Variants in UNC5C observed in about 807,000 individuals in gnomAD.
UNC5C encodes the protein netrin receptor UNC5C.
UNC5C carries 47 observed loss-of-function variants against 99.8 expected under a neutral mutation model. The observed-to-expected ratio is 0.47, with a 90% CI of 0.37 to 0.60. The LOEUF (loss-of-function observed/expected upper bound fraction) is 0.60, where lower values mean the gene tolerates loss of function less well. Ranked by LOEUF, UNC5C falls within the 20% of genes least tolerant of loss-of-function variation. The pLI is 0.00. For missense variants in UNC5C, 1,062 were observed against 1,165.9 expected (o/e 0.91, Z 1.30); for synonymous variants, 487 against 452.2 (o/e 1.08, Z -0.98).
chr4:95,271,689 C>T (rs1740673765), intron 4 of UNC5C, among the ~76,000 whole-genome samples: 1 of 152,142 alleles, frequency 6.6e-6, no homozygotes, highest in South Asian at 2.1e-4. Context: ...TCCCTAAATC[C>T]ATTCTTGCAC....
intron 1 of UNC5C, among the ~76,000 whole-genome samples, chr4:95,423,478 A>G (rs972407733): frequency 4.6e-5 from 7 of 152,230 alleles, no homozygotes; most frequent in African/African-American, 1.7e-4. Flanking sequence ...GAGGGATTCT[A>G]TCCATGGATC....
At chr4:95,234,572 CAATT>C (rs1056840964) in intron 7 of UNC5C, among the ~76,000 whole-genome samples, 6 of 152,086 alleles carry the variant, frequency 3.9e-5, no homozygotes, top group Non-Finnish European at 7.4e-5. Flanking sequence ...GTTTTGAAAA[CAATT>C]AAGTATGTGC....
At position 95,302,938 on chromosome 4, in the gene UNC5C, G is replaced by A. The variant is rs573507061; in HGVS notation, c.347-1189C>T. Among the ~76,000 whole-genome samples, 65 of 152,164 alleles carry A rather than the reference G, an allele frequency of 4.3e-4. 1 individual carries two copies. The highest frequency in any genetic ancestry group is 1.5e-3 in the African/African-American group (64 of 41,520). ...CAATTGCATTCAATGCTGCAAAGGTGGGCATAGGAATGAGTGTGAGTAATC... is the reference window on the plus strand; with the variant it reads ...CAATTGCATTCAATGCTGCAAAGGTAGGCATAGGAATGAGTGTGAGTAATC... On this transcript the variant is annotated intron_variant, in intron 2 of 15. Coordinates refer to ENST00000453304, the MANE Select transcript of UNC5C (RefSeq NM_003728.4).
At chr4:95,228,769 G>A (rs72878195) in intron 7 of UNC5C, among the ~76,000 whole-genome samples, 3,022 of 152,226 alleles carry the variant, frequency 0.02, 109 homozygotes, top group East Asian at 0.094. Context: ...TGCTGATTTG[G>A]ACTGTAAAAT....
At chr4:95,293,102 T>A (rs1741539478) in intron 3 of UNC5C, among the ~76,000 whole-genome samples, 1 of 152,084 alleles carries the variant, frequency 6.6e-6, no homozygotes, top group East Asian at 1.9e-4. Flanking sequence ...AAGAAGAAAG[T>A]AAGCCAGTTT....
At chr4:95,180,914 A>C (rs1459747273) in intron 14 of UNC5C, among the ~76,000 whole-genome samples, 1 of 152,122 alleles carries the variant, frequency 6.6e-6, no homozygotes, top group Non-Finnish European at 1.5e-5. Flanking sequence ...TTTGTCAATC[A>C]TCTTGTACCC....
intron 1 of UNC5C, among the ~76,000 whole-genome samples, chr4:95,452,926 G>A (rs1747318175): frequency 6.6e-6 from 1 of 152,164 alleles, no homozygotes; most frequent in Non-Finnish European, 1.5e-5. Context: ...ACTCTTTGTT[G>A]TGGGCAATCT....
At chr4:95,310,800 T>C (rs1194259154) in intron 2 of UNC5C, among the ~76,000 whole-genome samples, 1 of 151,910 alleles carries the variant, frequency 6.6e-6, no homozygotes, top group African/African-American at 2.4e-5. Flanking sequence ...ATTGTGTAAC[T>C]GGGTTGGGGG....
chr4:95,518,745 A>C (rs951742468), intron 1 of UNC5C, among the ~76,000 whole-genome samples: 1 of 152,220 alleles, frequency 6.6e-6, no homozygotes, highest in Non-Finnish European at 1.5e-5. Context: ...GGTTTACTTG[A>C]TTTCAAAGTA....
chr4:95,525,596 T>TAAAAAAAAAAAAAAAAAAAAAAAAAAA (rs574532435), intron 1 of UNC5C, among the ~76,000 whole-genome samples: 1 of 102,164 alleles, frequency 9.8e-6, no homozygotes, highest in Non-Finnish European at 1.9e-5. Flanking sequence ...GCCTATTTCT[T>TAAAAAAAAAAAAAAAAAAAAAAAAAAA]AAAAAAAAAA....
At chr4:95,197,329 A>T (rs1288490903) in intron 12 of UNC5C, among the ~76,000 whole-genome samples, 1 of 151,840 alleles carries the variant, frequency 6.6e-6, no homozygotes, top group Non-Finnish European at 1.5e-5. Context: ...CTAGTCCAGC[A>T]TTTCTGTGGA....
rs1302963318 is a variant in UNC5C, at chr4:95,285,165, GATTT to G, written c.491-6807_491-6804del. On this transcript the variant is annotated intron_variant, in intron 3 of 15. Transcript: ENST00000453304. ...CCAAAGGTACTTCATTATGCAGAAA[GATTT>G]ATTTATTAGAATAAAATATTTTTTT... is the stretch of plus-strand genomic sequence containing the variant. 4.6e-5 allele frequency among the ~76,000 whole-genome samples: 7 copies of G among 152,156 alleles called. 1 individual carries two copies. The highest frequency in any genetic ancestry group is 4.1e-4 in the South Asian group (2 of 4,836).
intron 3 of UNC5C, among the ~76,000 whole-genome samples, chr4:95,286,567 C>T (rs1315536840): frequency 2.0e-5 from 3 of 152,164 alleles, no homozygotes; most frequent in Admixed American, 6.5e-5. Flanking sequence ...CACTTTTGTA[C>T]CAGCTGATGG....
chr4:95,394,140 T>C (rs537768242), intron 1 of UNC5C, among the ~76,000 whole-genome samples: 5 of 152,312 alleles, frequency 3.3e-5, no homozygotes, highest in African/African-American at 9.6e-5. Flanking sequence ...TACTCTTTTC[T>C]GCAGTATTGC....
At chr4:95,305,539 G>A (rs935355755) in intron 2 of UNC5C, among the ~76,000 whole-genome samples, 1 of 152,134 alleles carries the variant, frequency 6.6e-6, no homozygotes, top group East Asian at 1.9e-4. Context: ...TTGGTTTCAG[G>A]TTATTTAAGG....
At chr4:95,253,818 G>A (rs114036508) in intron 4 of UNC5C, among the ~76,000 whole-genome samples, 6 of 152,028 alleles carry the variant, frequency 3.9e-5, no homozygotes, top group African/African-American at 7.3e-5. Flanking sequence ...ACTGCAGGCC[G>A]CCCCTCACCT....
rs568674971 is a variant in UNC5C, at chr4:95,412,993, C to T, written c.125-77362G>A. Among the ~76,000 whole-genome samples, 9 of 152,224 alleles carry T rather than the reference C, an allele frequency of 5.9e-5. 1 individual carries two copies. The East Asian group carries it at 9.7e-4, about 16-fold the overall frequency. On this transcript the variant is annotated intron_variant, in intron 1 of 15. Coordinates refer to ENST00000453304, the MANE Select transcript of UNC5C (RefSeq NM_003728.4). ...TCTCTCTCGACTTCCTTCACTTCTG[C>T]GAATTGAACAAAAGTCAAGAGGGAA...
intron 1 of UNC5C, among the ~76,000 whole-genome samples, chr4:95,505,434 A>G (rs570543694): frequency 6.6e-6 from 1 of 152,262 alleles, no homozygotes; most frequent in East Asian, 1.9e-4. Flanking sequence ...ATCAAAGACC[A>G]TGATTCAGCT....
intron 7 of UNC5C, among the ~76,000 whole-genome samples, chr4:95,222,465 T>C (rs1191991939): frequency 1.3e-5 from 2 of 152,136 alleles, no homozygotes; most frequent in Middle Eastern, 3.2e-3. Context: ...AGCAGGCAGA[T>C]TGAATTTTAG....
Sources: gnomAD v4.1 joint callset for allele counts (sites outside exome capture counted in the v4.1 genomes callset) on GRCh38, gnomAD v4.1.1 for gene constraint, MANE v1.5 for transcripts, NCBI Gene and HGNC (gene_info 2026-07-23, HGNC 2026-07-21) for gene names.